ACBD6: variants seen among roughly 807,000 people sequenced by gnomAD.
ACBD6 encodes acyl-CoA-binding domain-containing protein 6.
ACBD6 carries 28 observed loss-of-function variants against 37.2 expected under a neutral mutation model. The observed-to-expected ratio is 0.75, with a 90% CI of 0.56 to 1.03. The LOEUF (loss-of-function observed/expected upper bound fraction) is 1.03, where lower values mean the gene tolerates loss of function less well. ACBD6 is among the 50% of genes least tolerant of loss of function. The pLI is 0.00. For missense variants in ACBD6, 340 were observed against 337.4 expected (o/e 1.01, Z -0.06); for synonymous variants, 113 against 126.8 (o/e 0.89, Z 0.73).
chr1:180,373,536 A>C (rs1056707410), intron 6 of ACBD6, among the ~76,000 whole-genome samples: 1 of 152,220 alleles, frequency 6.6e-6, no homozygotes, highest in Admixed American at 6.5e-5. Flanking sequence ...CAAGCTTACA[A>C]AGAACAAGAA....
At position 180,485,090 on chromosome 1, in the gene ACBD6, G is replaced by A. The variant is rs578066396; in HGVS notation, c.384+7179C>T. 3.1e-3 allele frequency among the ~76,000 whole-genome samples: 465 copies of A among 150,326 alleles called. 1 individual carries two copies. Among genetic ancestry groups the A allele is most frequent in the African/African-American group, 0.011 (442 of 40,894 alleles). On this transcript the variant is annotated intron_variant, in intron 3 of 7. Transcript: ENST00000367595. ...ACTCTGTCTCAAAAAAAAAAAAAAA[G>A]TGTGTGTATCTATAGATACATACAT... is the stretch of plus-strand genomic sequence containing the variant.
intron 7 of ACBD6, among the ~76,000 whole-genome samples, chr1:180,304,066 C>T (rs1650246996): frequency 1.3e-5 from 2 of 150,912 alleles, no homozygotes; most frequent in Admixed American, 1.3e-4. Context: ...ACGCTTCATG[C>T]TAAAAACTCT....
chr1:180,435,191 T>C (rs1571506883), intron 3 of ACBD6: 2 of 685,258 alleles, frequency 2.9e-6, no homozygotes, highest in East Asian at 5.4e-5. Context: ...TCAACATCGC[T>C]GGCCTTTCCA....
rs74135060 is a variant in ACBD6 at position 180,377,463 on chromosome 1, G to A, written c.663+20053C>T. ...ATAAAGGGAACCAGTGATCCTTGGA[G>A]AAATGGTTGGTGCCAGGACTAGAGT... On this transcript the variant is annotated intron_variant, in intron 6 of 7. Transcript: ENST00000367595. Among the ~76,000 whole-genome samples the A allele has an allele frequency of 6.6e-3, 1,010 of 152,296 alleles. 16 individuals are homozygous for A. The highest frequency in any genetic ancestry group is 0.023 in the African/African-American group (965 of 41,560).
At chr1:180,291,281 A>C (rs549755658) in intron 7 of ACBD6, among the ~76,000 whole-genome samples, 7 of 152,316 alleles carry the variant, frequency 4.6e-5, no homozygotes, top group African/African-American at 1.4e-4. Flanking sequence ...TGGCAAGTGA[A>C]TGTTTAACTT....
intron 3 of ACBD6, among the ~76,000 whole-genome samples, chr1:180,491,485 TC>T (rs1651500520): frequency 6.6e-6 from 1 of 152,208 alleles, no homozygotes. Flanking sequence ...CCTGCTGGAT[TC>T]CCTAGCATTT....
intron 3 of ACBD6, among the ~76,000 whole-genome samples, chr1:180,450,752 T>C (rs1649673796): frequency 6.6e-6 from 1 of 151,834 alleles, no homozygotes; most frequent in Non-Finnish European, 1.5e-5. Flanking sequence ...AGTGAGACTC[T>C]GTCAAAAAAA....
At chr1:180,420,091 T>C (rs1648291402) in intron 4 of ACBD6, among the ~76,000 whole-genome samples, 1 of 152,238 alleles carries the variant, frequency 6.6e-6, no homozygotes, top group Non-Finnish European at 1.5e-5. Flanking sequence ...GGGGCATTAT[T>C]TATTCTACAT....
chr1:180,461,325 A>G (rs928895022), intron 3 of ACBD6, among the ~76,000 whole-genome samples: 1 of 152,216 alleles, frequency 6.6e-6, no homozygotes, highest in Non-Finnish European at 1.5e-5. Flanking sequence ...TGGAAAACAT[A>G]TTTCAGGATA....
At chr1:180,307,260 G>A (rs563744033) in intron 7 of ACBD6, among the ~76,000 whole-genome samples, 1 of 152,238 alleles carries the variant, frequency 6.6e-6, no homozygotes, top group South Asian at 2.1e-4. Context: ...GGCACAGAAA[G>A]GCAAACTTCA....
At chr1:180,406,363 A>C (rs1168921311) in intron 5 of ACBD6, among the ~76,000 whole-genome samples, 1 of 152,164 alleles carries the variant, frequency 6.6e-6, no homozygotes, top group Non-Finnish European at 1.5e-5. Flanking sequence ...GTTGCTAAAA[A>C]GTTTCAGATT....
chr1:180,431,416 A>G (rs1223331328), intron 3 of ACBD6, among the ~76,000 whole-genome samples: 1 of 152,202 alleles, frequency 6.6e-6, no homozygotes, highest in Non-Finnish European at 1.5e-5. Context: ...TGATGCTAGC[A>G]AACAAGAAGC....
At chr1:180,480,248 A>G (rs964103292) in intron 3 of ACBD6, among the ~76,000 whole-genome samples, 1 of 147,104 alleles carries the variant, frequency 6.8e-6, no homozygotes, top group Non-Finnish European at 1.5e-5. Context: ...GAGGGACCAC[A>G]CTCAAAACAA....
At chr1:180,287,371 C>G (rs1649536011), downstream of ACBD6, 2 of 146,040 alleles carry the variant, frequency 1.4e-5, no homozygotes, top group Non-Finnish European at 3.0e-5. Flanking sequence ...GATCATACCA[C>G]TGCACTTCAG....
chr1:180,441,933 G>A (rs568893349), intron 3 of ACBD6, among the ~76,000 whole-genome samples: 2 of 152,272 alleles, frequency 1.3e-5, no homozygotes, highest in Admixed American at 1.3e-4. Context: ...CAGGAGTGGT[G>A]AAAGCAAGCA....
At chr1:180,498,432 C>T (rs1329531921) in intron 1 of ACBD6, among the ~76,000 whole-genome samples, 2 of 152,296 alleles carry the variant, frequency 1.3e-5, no homozygotes, top group East Asian at 1.9e-4. Flanking sequence ...GTTCATTTTG[C>T]GACTCAGAAA....
intron 3 of ACBD6, chr1:180,436,031 G>A: frequency 1.4e-6 from 1 of 691,406 alleles, no homozygotes; most frequent in Non-Finnish European, 2.5e-6. Context: ...TTGTACGTCT[G>A]GAATGCAAGT....
Position 180,429,621 on chromosome 1 carries a change from T to C in ACBD6, c.467+559A>G, listed in dbSNP as rs564216911. On this transcript the variant is annotated intron_variant, in intron 4 of 7. Transcript: ENST00000367595. The stretch of plus-strand genomic sequence containing the variant: ...TCTGCTTCTTGAGAAACAGAATTGG[T>C]GGATCATATGGTAATTCTATTTTAA... Among the ~76,000 whole-genome samples, 8 of 152,336 alleles carry C rather than the reference T, an allele frequency of 5.3e-5. No homozygotes were observed. In the South Asian group the frequency reaches 1.7e-3, roughly 32 times the overall value.
At chr1:180,439,564 T>A (rs1040716413) in intron 3 of ACBD6, among the ~76,000 whole-genome samples, 76 of 150,942 alleles carry the variant, frequency 5.0e-4, no homozygotes, top group African/African-American at 1.8e-3. Flanking sequence ...CACTCCAGCC[T>A]GGGCGACACA....
Sources: gnomAD v4.1 joint callset for allele counts (sites outside exome capture counted in the v4.1 genomes callset) on GRCh38, gnomAD v4.1.1 for gene constraint, MANE v1.5 for transcripts, NCBI Gene and HGNC (gene_info 2026-07-23, HGNC 2026-07-21) for gene names.